Variants in CAB39 observed in about 807,000 individuals in gnomAD.
The protein encoded by CAB39 is calcium binding protein 39.
Under a neutral mutation model 40.0 loss-of-function variants are expected in CAB39, and 8 were observed. The ratio of observed to expected loss-of-function variants is 0.20; its 90% CI spans 0.12 to 0.36. The LOEUF is 0.36. CAB39 is among the 10% of genes least tolerant of loss of function. The pLI, the probability that CAB39 is intolerant of heterozygous loss-of-function variation, is 1.00. For synonymous variants in CAB39, 156 were observed against 141.6 expected (o/e 1.10, Z -0.72); for missense variants, 270 against 401.1 (o/e 0.67, Z 2.79).
intron 2 of CAB39, among the ~76,000 whole-genome samples, chr2:230,767,871 G>A (rs1695415169): frequency 6.6e-6 from 1 of 152,026 alleles, no homozygotes; most frequent in African/African-American, 2.4e-5. Flanking sequence ...TTTCCCTAGT[G>A]CTCTATTTGG....
At chr2:230,757,834 C>G (rs901948334) in intron 1 of CAB39, among the ~76,000 whole-genome samples, 1 of 152,084 alleles carries the variant, frequency 6.6e-6, no homozygotes, top group African/African-American at 2.4e-5. Context: ...CCGCCCACTC[C>G]CCTGCCCAAA....
At chr2:230,715,986 C>G (rs575822137) in intron 1 of CAB39, among the ~76,000 whole-genome samples, 1 of 152,352 alleles carries the variant, frequency 6.6e-6, no homozygotes, top group South Asian at 2.1e-4. Context: ...CGTGAGCCAC[C>G]ACGCTTGCCT....
chr2:230,737,984 A>G (rs970285489), intron 1 of CAB39, among the ~76,000 whole-genome samples: 5 of 152,164 alleles, frequency 3.3e-5, no homozygotes, highest in Non-Finnish European at 7.4e-5. Context: ...TTTTCACCCG[A>G]TACTTTATTA....
At chr2:230,773,762 G>T (rs533224688) in intron 2 of CAB39, among the ~76,000 whole-genome samples, 1 of 152,240 alleles carries the variant, frequency 6.6e-6, no homozygotes, top group South Asian at 2.1e-4. Flanking sequence ...TGTAACAAAA[G>T]GATTCGAACT....
At chr2:230,722,106 A>G (rs554704677) in intron 1 of CAB39, among the ~76,000 whole-genome samples, 3 of 151,924 alleles carry the variant, frequency 2.0e-5, no homozygotes, top group African/African-American at 7.2e-5. Flanking sequence ...CAGTGACCCA[A>G]CACATACACA....
intron 2 of CAB39, among the ~76,000 whole-genome samples, chr2:230,785,037 G>A (rs1200485433): frequency 6.6e-6 from 1 of 152,196 alleles, no homozygotes; most frequent in Non-Finnish European, 1.5e-5. Flanking sequence ...TCCAAATAAG[G>A]AATGGCATGC....
chr2:230,811,378 C>G (rs1346804850), intron 6 of CAB39, among the ~76,000 whole-genome samples: 1 of 152,154 alleles, frequency 6.6e-6, no homozygotes, highest in African/African-American at 2.4e-5. Flanking sequence ...CACACAAGTC[C>G]TTCATAAGTA....
At chr2:230,791,243 CCT>C (rs1261241113) in intron 3 of CAB39, among the ~76,000 whole-genome samples, 9 of 152,076 alleles carry the variant, frequency 5.9e-5, no homozygotes, top group Admixed American at 1.3e-4. Context: ...AGGGTTCTTC[CCT>C]GTTTCATCAC....
chr2:230,744,151 T>C (rs996773913), intron 1 of CAB39, among the ~76,000 whole-genome samples: 5 of 152,162 alleles, frequency 3.3e-5, no homozygotes, highest in African/African-American at 1.2e-4. Context: ...ACTCCTGACC[T>C]CAAGTGATCC....
chr2:230,758,323 G>T (rs1316109749), intron 1 of CAB39, among the ~76,000 whole-genome samples: 2 of 150,248 alleles, frequency 1.3e-5, no homozygotes, highest in Non-Finnish European at 3.0e-5. Flanking sequence ...AAAAATCCTT[G>T]GATATTTAAG....
intron 1 of CAB39, among the ~76,000 whole-genome samples, chr2:230,748,825 A>ATATATATAT (rs1695025513): frequency 1.7e-5 from 1 of 59,232 alleles, no homozygotes; most frequent in African/African-American, 6.1e-5. Context: ...AAAAAAAAAA[A>ATATATATAT]AAAAAAATAT....
rs140046195 is a variant in CAB39 at position 230,750,821 on chromosome 2, C to T, written c.-43-9138C>T. Reference sequence around the variant, plus strand: ...GCACTTTTTAATTCTTATACCATATCGTGAAGTAGCTATTGCTTTTCCCAT... The same window carrying T: ...GCACTTTTTAATTCTTATACCATATTGTGAAGTAGCTATTGCTTTTCCCAT... On this transcript the variant is annotated intron_variant, in intron 1 of 8. Coordinates refer to ENST00000258418, the MANE Select transcript of CAB39 (RefSeq NM_016289.4). 1.8e-4 allele frequency among the ~76,000 whole-genome samples: 28 copies of T among 152,210 alleles called. No homozygotes were observed. In the East Asian group the frequency reaches 5.2e-3, roughly 28 times the overall value.
chr2:230,814,295 C>T (rs1267881772), intron 7 of CAB39, among the ~76,000 whole-genome samples, 181 bp downstream of exon 7: 1 of 152,044 alleles, frequency 6.6e-6, no homozygotes, highest in East Asian at 1.9e-4. Flanking sequence ...GGAGCACTTT[C>T]CTGCTTCCTA....
intron 2 of CAB39, among the ~76,000 whole-genome samples, chr2:230,768,980 A>C (rs1695436400): frequency 6.6e-6 from 1 of 152,210 alleles, no homozygotes; most frequent in Non-Finnish European, 1.5e-5. Context: ...GGATGAAAGA[A>C]TCCCTACTAT....
chr2:230,727,605 T>C (rs1441292414), intron 1 of CAB39, among the ~76,000 whole-genome samples: 1 of 151,682 alleles, frequency 6.6e-6, no homozygotes, highest in East Asian at 1.9e-4. Flanking sequence ...TTTGTAGAGA[T>C]GGGGTTTTGC....
intron 2 of CAB39, chr2:230,779,123 A>G (rs1695644838): frequency 6.6e-6 from 1 of 152,176 alleles, no homozygotes; most frequent in East Asian, 1.9e-4. Flanking sequence ...ATTAAATGTA[A>G]TTAAAGATGA....
intron 2 of CAB39, among the ~76,000 whole-genome samples, chr2:230,789,179 T>G (rs770818616): frequency 2.0e-5 from 3 of 152,252 alleles, no homozygotes; most frequent in Non-Finnish European, 4.4e-5. Flanking sequence ...TGGTATAATT[T>G]TTATCTTAGA....
At position 230,782,813 on chromosome 2, in the gene CAB39, C is replaced by CTTTCTTTCTTTTTTTTTTTTTTTTTTTT. The variant is rs1286339069; in HGVS notation, c.115-8056_115-8055insCTTTCTTTTTTTTTTTTTTTTTTTTTTT. 2.8e-4 allele frequency among the ~76,000 whole-genome samples: 23 copies of CTTTCTTTCTTTTTTTTTTTTTTTTTTTT among 81,768 alleles called. 1 individual carries two copies. Among genetic ancestry groups the CTTTCTTTCTTTTTTTTTTTTTTTTTTTT allele is most frequent in the African/African-American group, 1.3e-3 (21 of 16,004 alleles). The allele number at this position is 81,768 out of a possible 152,430, so 53.6% of individuals were successfully genotyped here. ...TGTTTCTTTCTTTCTTTCTTTCTTT[C>CTTTCTTTCTTTTTTTTTTTTTTTTTTTT]TTTTTTTTTTTTTTTTTTTGAGAAG... On this transcript the variant is annotated intron_variant, in intron 2 of 8. Transcript: ENST00000258418.
intron 1 of CAB39, among the ~76,000 whole-genome samples, chr2:230,743,392 G>T (rs1291796799): frequency 6.6e-6 from 1 of 152,162 alleles, no homozygotes; most frequent in Non-Finnish European, 1.5e-5. Flanking sequence ...GAAAAATGCT[G>T]TGATGACCCC....
Sources: allele counts gnomAD v4.1 joint callset (sites outside exome capture counted in the v4.1 genomes callset), GRCh38; gene constraint gnomAD v4.1.1; transcripts MANE v1.5; gene names NCBI Gene and HGNC (gene_info 2026-07-23, HGNC 2026-07-21).